The following TACC1 variants were observed in gnomAD, a reference collection of about 807,000 sequenced individuals.
TACC1 encodes transforming acidic coiled-coil containing protein 1.
Under a neutral mutation model 84.4 loss-of-function variants are expected in TACC1, and 48 were observed. The ratio of observed to expected loss-of-function variants is 0.57; its 90% confidence interval spans 0.45 to 0.72. TACC1 has a LOEUF of 0.72. Ranked by LOEUF, TACC1 falls within the 30% of genes least tolerant of loss-of-function variation. The pLI is 0.00. For synonymous variants in TACC1, 372 were observed against 376.3 expected (o/e 0.99, Z 0.13); for missense variants, 920 against 973.0 (o/e 0.95, Z 0.72).
intron 1 of TACC1, among the ~76,000 whole-genome samples, chr8:38,733,344 C>T (rs1383270686): frequency 6.6e-6 from 1 of 151,684 alleles, no homozygotes; most frequent in African/African-American, 2.4e-5. Flanking sequence ...TTAACCAGCA[C>T]TTGATGTTTA....
intron 5 of TACC1, among the ~76,000 whole-genome samples, chr8:38,829,302 T>C (rs1828756577): frequency 6.6e-6 from 1 of 152,170 alleles, no homozygotes; most frequent in African/African-American, 2.4e-5. Flanking sequence ...GGCCTCAGTC[T>C]CTCATCTATA....
chr8:38,756,467 G>T (rs1162708081), intron 3 of TACC1, among the ~76,000 whole-genome samples: 2 of 152,118 alleles, frequency 1.3e-5, no homozygotes, highest in Non-Finnish European at 1.5e-5. Context: ...TGGGAGGCAG[G>T]AATGGGTGAG....
intron 3 of TACC1, among the ~76,000 whole-genome samples, chr8:38,768,621 TGA>T (rs1310599259): frequency 6.6e-6 from 1 of 152,144 alleles, no homozygotes; most frequent in Non-Finnish European, 1.5e-5. Flanking sequence ...GTCCAGGGGC[TGA>T]GCAAGAAGCT....
At chr8:38,817,919 T>TAA (rs60301511) in intron 2 of TACC1, among the ~76,000 whole-genome samples, 58 of 47,826 alleles carry the variant, frequency 1.2e-3, no homozygotes, top group East Asian at 2.8e-3. Context: ...GAGAGACCCC[T>TAA]AAAAAAAAAA....
chr8:38,769,434 G>T (rs10100144), intron 3 of TACC1, among the ~76,000 whole-genome samples: 29,383 of 141,792 alleles, frequency 0.21, 3,412 homozygotes, highest in Non-Finnish European at 0.28. Context: ...GAGGTGGGGG[G>T]GTGTGGTGTG....
intron 2 of TACC1, among the ~76,000 whole-genome samples, chr8:38,812,494 G>C (rs1256088808): frequency 1.3e-5 from 2 of 152,052 alleles, no homozygotes; most frequent in African/African-American, 4.8e-5. Flanking sequence ...TGAAATATTG[G>C]GGGTGGATTC....
At chr8:38,778,622 G>T (rs1213162258) in intron 3 of TACC1, among the ~76,000 whole-genome samples, 1 of 152,170 alleles carries the variant, frequency 6.6e-6, no homozygotes, top group African/African-American at 2.4e-5. Flanking sequence ...TGTGGCCCTA[G>T]CACTGTGTTC....
chr8:38,785,024 G>C (rs7813336), upstream of TACC1, among the ~76,000 whole-genome samples: 1 of 151,914 alleles, frequency 6.6e-6, no homozygotes, highest in East Asian at 1.9e-4. Flanking sequence ...ATGGATGTTC[G>C]GGGTATAGAA....
At chr8:38,775,581 G>A (rs1814655345) in intron 3 of TACC1, among the ~76,000 whole-genome samples, 1 of 152,084 alleles carries the variant, frequency 6.6e-6, no homozygotes, top group Non-Finnish European at 1.5e-5. Flanking sequence ...GGAGCTGTCT[G>A]GGGTCTCTTT....
rs972292403 is a variant in TACC1, at chr8:38,787,340, C to G, written c.-243C>G. The G allele has an allele frequency of 7.7e-7, 1 of 1,292,390 alleles. No individual in the cohort carries two copies. Among genetic ancestry groups the G allele is most frequent in the African/African-American group, 1.6e-5 (1 of 63,972 alleles). The allele number at this position is 1,292,390 out of a possible 1,614,324, so 80.1% of individuals were successfully genotyped here. A position where few individuals can be genotyped will look rare whatever the true frequency, so the allele number is the denominator to read the frequency against. ...ACGGGCGTCTTCCCGGCTAGTGGAG[C>G]CCGGCGCGGGGCCCGCTGCGGCCGC... is the stretch of plus-strand genomic sequence containing the variant. On this transcript the variant is annotated 5_prime_UTR_variant, in exon 1 of 13. Coordinates refer to ENST00000317827, the MANE Select transcript of TACC1 (RefSeq NM_006283.3).
chr8:38,830,758 C>T (rs1187417313), intron 5 of TACC1, among the ~76,000 whole-genome samples: 6 of 152,206 alleles, frequency 3.9e-5, no homozygotes, highest in African/African-American at 1.4e-4. Flanking sequence ...TTTAAATTCA[C>T]TCCGACTTGA....
chr8:38,788,154 G>A (rs1042845885), intron 1 of TACC1: 4 of 184,580 alleles, frequency 2.2e-5, no homozygotes, highest in Admixed American at 6.0e-5. Context: ...CCAAAACGCA[G>A]CCGCGGTGAA....
intron 3 of TACC1, among the ~76,000 whole-genome samples, chr8:38,761,148 A>C (rs1811132674): frequency 6.6e-6 from 1 of 152,186 alleles, no homozygotes; most frequent in African/African-American, 2.4e-5. Flanking sequence ...TGATAGTTTG[A>C]TGAAATGTTT....
chr8:38,848,121 GA>G lies in TACC1; in HGVS notation c.*109del, dbSNP rs879214715. 5.8e-3 allele frequency: 5,523 copies of G among 960,180 alleles called. No homozygotes were observed. Among genetic ancestry groups the G allele is most frequent in the South Asian group, 7.5e-3 (380 of 50,884 alleles). The allele number at this position is 960,180 out of a possible 1,614,324, so 59.5% of individuals were successfully genotyped here. ...CCAGGAATAATTGCCCCTTTGCAGA[GA>G]AAAAAAAAAACTTAAAAAAAGCACA... is the stretch of plus-strand genomic sequence containing the variant. On this transcript the variant is annotated 3_prime_UTR_variant, in exon 13 of 13. Coordinates refer to ENST00000317827, the MANE Select transcript of TACC1 (RefSeq NM_006283.3).
chr8:38,788,692 C>T lies in TACC1; in HGVS notation c.162-12C>T, dbSNP rs1167247311. The T allele has an allele frequency of 1.3e-6, 2 of 1,594,048 alleles. No homozygotes were observed. Among genetic ancestry groups the T allele is most frequent in the African/African-American group, 1.3e-5 (1 of 74,120 alleles). ...TTGAAAGTGGTAATTCCTCATTTTT[C>T]CTCCTTGGCAGCTCGGATTCTGAAG... On this transcript the variant is annotated splice_polypyrimidine_tract_variant and intron_variant, in intron 1 of 12. Transcript: ENST00000317827.
At chr8:38,788,102 A>C in intron 1 of TACC1, 1 of 231,668 alleles carries the variant, frequency 4.3e-6, no homozygotes, top group South Asian at 1.0e-4. Context: ...CCCCGTGGGG[A>C]AGAAGTCGCT....
chr8:38,791,144 C>A (rs1457538292), intron 2 of TACC1, among the ~76,000 whole-genome samples: 2 of 152,180 alleles, frequency 1.3e-5, no homozygotes, highest in Non-Finnish European at 1.5e-5. Flanking sequence ...TAGACTGATT[C>A]ATCCCGCCAG....
chr8:38,793,125 C>T (rs751204137), intron 2 of TACC1, among the ~76,000 whole-genome samples: 1 of 152,170 alleles, frequency 6.6e-6, no homozygotes, highest in Non-Finnish European at 1.5e-5. Flanking sequence ...TGGAACAACT[C>T]GTTAAACCTC....
At chr8:38,784,268 T>G (rs992944214), upstream of TACC1, among the ~76,000 whole-genome samples, 1 of 152,142 alleles carries the variant, frequency 6.6e-6, no homozygotes, top group Admixed American at 6.5e-5. Context: ...TATTTGCTAG[T>G]CCAGTCTCAA....
Sources: allele counts gnomAD v4.1 joint callset (sites outside exome capture counted in the v4.1 genomes callset), GRCh38; gene constraint gnomAD v4.1.1; transcripts MANE v1.5; gene names NCBI Gene and HGNC (gene_info 2026-07-23, HGNC 2026-07-21).